PTPRT: variants seen among roughly 807,000 people sequenced by gnomAD.
The protein encoded by PTPRT is receptor-type tyrosine-protein phosphatase T.
In PTPRT, 56 loss-of-function variants were observed where a neutral mutation model predicts 176.8. The observed-to-expected ratio is 0.32, with a 90% confidence interval of 0.26 to 0.40. PTPRT has a LOEUF of 0.40. Ranked by LOEUF, PTPRT falls within the 10% of genes least tolerant of loss-of-function variation. The pLI, the probability that PTPRT is intolerant of heterozygous loss-of-function variation, is 1.00. For missense variants in PTPRT, 1,540 were observed against 1,908.2 expected, an observed-to-expected ratio of 0.81 and a Z score of 3.60; for synonymous variants, 783 against 739.0, an observed-to-expected ratio of 1.06 and a Z score of -0.96.
chr20:42,885,015 C>G (rs978430025), intron 2 of PTPRT, among the ~76,000 whole-genome samples: 1 of 151,882 alleles, frequency 6.6e-6, no homozygotes. Context: ...AGGTGTACCT[C>G]ACAGGCCTGC....
intron 13 of PTPRT, among the ~76,000 whole-genome samples, chr20:42,265,509 C>G (rs2056824330): frequency 6.6e-6 from 1 of 152,188 alleles, no homozygotes; most frequent in Non-Finnish European, 1.5e-5. Flanking sequence ...TTTTCATCGT[C>G]TTATTGGACA....
intron 8 of PTPRT, among the ~76,000 whole-genome samples, chr20:42,460,478 G>A (rs781348293): frequency 1.2e-4 from 18 of 152,146 alleles, no homozygotes; most frequent in South Asian, 2.1e-4. Flanking sequence ...GTATGGATAC[G>A]AATGGGAAAG....
the PTPRT span, among the ~76,000 whole-genome samples, chr20:42,061,150 G>A: frequency 1.3e-5 from 2 of 152,166 alleles, no homozygotes; most frequent in Admixed American, 6.5e-5. Flanking sequence ...ATCTATAAAG[G>A]TTTATTCGTC....
intron 7 of PTPRT, among the ~76,000 whole-genome samples, chr20:42,628,104 G>A (rs1431081802): frequency 6.6e-6 from 1 of 152,110 alleles, no homozygotes; most frequent in Non-Finnish European, 1.5e-5. Context: ...CACAGGGTGG[G>A]GAAAGAAGGC....
intron 2 of PTPRT, among the ~76,000 whole-genome samples, chr20:42,826,405 G>A (rs1346794009): frequency 6.6e-6 from 1 of 152,200 alleles, no homozygotes; most frequent in Non-Finnish European, 1.5e-5. Flanking sequence ...CCCCTCCCAT[G>A]CAATACATAG....
chr20:42,589,816 T>G (rs2073537326), intron 7 of PTPRT, among the ~76,000 whole-genome samples: 1 of 152,176 alleles, frequency 6.6e-6, no homozygotes, highest in African/African-American at 2.4e-5. Flanking sequence ...TTTTTTATCT[T>G]AAATCATGCA....
At chr20:42,154,581 A>G (rs976204052) in intron 17 of PTPRT, among the ~76,000 whole-genome samples, 1 of 152,220 alleles carries the variant, frequency 6.6e-6, no homozygotes, top group African/African-American at 2.4e-5. Context: ...AGCTGTAATA[A>G]CCAGTACCTT....
chr20:42,127,207 C>T (rs1384569752), intron 19 of PTPRT, among the ~76,000 whole-genome samples: 4 of 152,158 alleles, frequency 2.6e-5, no homozygotes, highest in African/African-American at 9.7e-5. Context: ...AGTCCAGAGT[C>T]CAGAAATAAC....
chr20:42,422,464 C>T (rs1035201651), intron 9 of PTPRT, among the ~76,000 whole-genome samples: 1 of 152,156 alleles, frequency 6.6e-6, no homozygotes, highest in Non-Finnish European at 1.5e-5. Context: ...CATCACTGAT[C>T]GTTAGAGAAA....
At chr20:43,023,372 A>G (rs1056427455) in intron 1 of PTPRT, among the ~76,000 whole-genome samples, 5 of 152,248 alleles carry the variant, frequency 3.3e-5, no homozygotes, top group Non-Finnish European at 5.9e-5. Context: ...TGTGCAGGTC[A>G]TAAGTGTCAG....
intron 7 of PTPRT, among the ~76,000 whole-genome samples, chr20:42,492,324 A>G (rs1307283193): frequency 6.6e-6 from 1 of 152,188 alleles, no homozygotes; most frequent in Non-Finnish European, 1.5e-5. Flanking sequence ...GGAGAGATCC[A>G]GTTTCTTTGC....
At chr20:42,061,413 G>A in the PTPRT span, among the ~76,000 whole-genome samples, 1 of 152,136 alleles carries the variant, frequency 6.6e-6, no homozygotes, top group Non-Finnish European at 1.5e-5. Flanking sequence ...CACTAGCTCT[G>A]CCAGTGTATA....
intron 7 of PTPRT, among the ~76,000 whole-genome samples, chr20:42,663,953 G>A (rs1451953996): frequency 1.3e-5 from 2 of 152,022 alleles, no homozygotes; most frequent in Non-Finnish European, 2.9e-5. Context: ...TCTCTTTTGA[G>A]CAGCTCTGAT....
intron 1 of PTPRT, among the ~76,000 whole-genome samples, chr20:43,142,347 C>G (rs997508393): frequency 6.6e-5 from 10 of 152,200 alleles, no homozygotes; most frequent in Non-Finnish European, 1.2e-4. Context: ...GACTGTCCCC[C>G]GGGCAGGATT....
At chr20:43,135,804 G>A (rs572746509) in intron 1 of PTPRT, among the ~76,000 whole-genome samples, 60 of 152,236 alleles carry the variant, frequency 3.9e-4, no homozygotes, top group African/African-American at 1.2e-3. Context: ...TATTGGAGGC[G>A]GTGGGGGGCT....
chr20:42,324,675 C>T (rs1185022498), intron 11 of PTPRT, among the ~76,000 whole-genome samples: 1 of 152,156 alleles, frequency 6.6e-6, no homozygotes. Flanking sequence ...GGCTAAGAAA[C>T]AAGTGTGAGC....
intron 7 of PTPRT, among the ~76,000 whole-genome samples, chr20:42,519,344 C>T (rs1326709426): frequency 6.6e-6 from 1 of 151,970 alleles, no homozygotes; most frequent in African/African-American, 2.4e-5. Context: ...GTGCAGGTAC[C>T]AATTTGTTTA....
In PTPRT at chr20:42,754,252, C is replaced by A. The variant is rs145273458; in HGVS notation, c.859+2210G>T. 5.2e-3 allele frequency among the ~76,000 whole-genome samples: 799 copies of A among 152,280 alleles called. 6 individuals carry two copies. The highest frequency in any genetic ancestry group is 0.018 in the African/African-American group (765 of 41,538). On this transcript the variant is annotated intron_variant, in intron 6 of 30. Coordinates refer to ENST00000373187, the MANE Select transcript of PTPRT (RefSeq NM_007050.6). ...CCAGGCTGGATTGCAGTGGCATGAT[C>A]TCAGCTCACCACAACCTCCGTCTCC...
chr20:42,587,393 G>A (rs1016682081), intron 7 of PTPRT, among the ~76,000 whole-genome samples: 5 of 152,190 alleles, frequency 3.3e-5, no homozygotes, highest in Admixed American at 2.6e-4. Flanking sequence ...TGAACTAGCT[G>A]CACTCTGCCC....
Sources: gnomAD v4.1 joint callset for allele counts (sites outside exome capture counted in the v4.1 genomes callset) on GRCh38, gnomAD v4.1.1 for gene constraint, MANE v1.5 for transcripts, NCBI Gene and HGNC (gene_info 2026-07-23, HGNC 2026-07-21) for gene names.